Variants in VN1R1 observed in about 807,000 individuals in gnomAD.
VN1R1 encodes the protein vomeronasal 1 receptor 1, also known as vomeronasal type-1 receptor 1.
For missense variants in VN1R1, 391 were observed against 410.3 expected (o/e 0.95, Z 0.41); for synonymous variants, 168 against 149.8 (o/e 1.12, Z -0.89).
At position 57,455,977 on chromosome 19, in the gene VN1R1, G is replaced by A; in HGVS notation, c.510C>T (p.Phe170=). ...GGGGGGCCCAGCAGAGGAGACAACA[G>A]AAGTCAATAAACCTTGGGGATCTAA... ...IKIRSPRFID[F]CCLLCWAPHV... The change falls in exon 1 of 1, where the codon TTC becomes TTT. Residue 170 remains phenylalanine (F), a synonymous_variant. Transcript: ENST00000321039. The A allele has an allele frequency of 6.2e-7, 1 of 1,614,206 alleles. No individual in the cohort carries two copies. The highest frequency in any genetic ancestry group is 8.5e-7 in the Non-Finnish European group (1 of 1,180,042).
chr19:57,455,902 A>G lies in VN1R1; in HGVS notation c.585T>C (p.Asn195=), dbSNP rs1474436824. The G allele has an allele frequency of 1.2e-6, 2 of 1,614,104 alleles. No homozygotes were observed. The highest frequency in any genetic ancestry group is 1.3e-5 in the African/African-American group (1 of 74,930). ...TGTTTTTTGCACTACTGTTTTTGCT[A>G]TTCAGTGGGCCATTCACTAATAGAA... ...SVLLLVNGPL[N]SKNSSAKNNY... is the part of the protein sequence containing the mutation. The change falls in exon 1 of 1, where the codon AAT becomes AAC. Residue 195 remains asparagine (N), a synonymous_variant. Transcript: ENST00000321039.
rs947858688 is a variant in VN1R1, at chr19:57,456,352, T to G, written c.135A>C (p.Lys45Asn). 1.2e-6 allele frequency: 2 copies of G among 1,613,842 alleles called. No homozygotes were observed. The highest frequency in any genetic ancestry group is 2.7e-5 in the African/African-American group (2 of 74,920). ...PLDFDEMAFG[K>N]VKSGISFLIQ... is the part of the protein sequence containing the mutation. ...TGAGGAAGCTAATCCCTGATTTTAC[T>G]TTTCCAAAAGCCATTTCATCAAAAT... The change falls in exon 1 of 1, where the codon AAA becomes AAC. Residue 45 changes from lysine (K) to asparagine (N), a missense_variant. Lys to Asn is a moderately conservative substitution (Grantham distance 94). Transcript: ENST00000321039.
At position 57,456,594 on chromosome 19, in the gene VN1R1, C is replaced by A; in HGVS notation, c.-108G>T. 1.2e-5 allele frequency: 10 copies of A among 866,792 alleles called. No individual in the cohort carries two copies. The highest frequency in any genetic ancestry group is 3.2e-5 in the Admixed American group (1 of 31,662). The allele number at this position is 866,792 out of a possible 1,614,324, so 53.7% of individuals were successfully genotyped here. Reference sequence around the variant, plus strand: ...GTGAATGAATGAGGGCTCAACCGCACAACAGATCCACAAATCAAACCTATA... The same window carrying A: ...GTGAATGAATGAGGGCTCAACCGCAAAACAGATCCACAAATCAAACCTATA... On this transcript the variant is annotated 5_prime_UTR_variant, in exon 1 of 1. Coordinates refer to ENST00000321039, the MANE Select transcript of VN1R1 (RefSeq NM_020633.4).
chr19:57,455,057 G>T lies in VN1R1; in HGVS notation c.*368C>A. On this transcript the variant is annotated 3_prime_UTR_variant, in exon 1 of 1. Transcript: ENST00000321039. ...CGGCCTGCACATGTCTTTCTTACAT[G>T]TGGACTCTCCAGGGGATTTATGCTG... 1 of 191,314 alleles carries T rather than the reference G, an allele frequency of 5.2e-6. No individual in the cohort carries two copies. The highest frequency in any genetic ancestry group is 1.1e-5 in the Non-Finnish European group (1 of 92,258). The allele number at this position is 191,314 out of a possible 1,614,324, so 11.9% of individuals were successfully genotyped here. A position where few individuals can be genotyped will look rare whatever the true frequency, so the allele number is the denominator to read the frequency against.
chr19:57,455,464 T>C lies in VN1R1; in HGVS notation c.1023A>G (p.Thr341=). The change falls in exon 1 of 1, where the codon ACA becomes ACG. Residue 341 remains threonine (T), a synonymous_variant. Transcript: ENST00000321039. ...CCAGATTAGGAAAGAGTGTTTTCCT[T>C]GTCCTGCAGGCAAAACAGAACTGAG... ...HISQFCFACR[T]RKTLFPNLVV... 2 of 1,613,846 alleles carry C rather than the reference T, an allele frequency of 1.2e-6. No individual in the cohort carries two copies. Among genetic ancestry groups the C allele is most frequent in the Non-Finnish European group, 1.7e-6 (2 of 1,179,950 alleles).
Position 57,455,700 on chromosome 19 carries a change from A to C in VN1R1, c.787T>G (p.Cys263Gly), listed in dbSNP as rs769334043. The C allele has an allele frequency of 6.2e-7, 1 of 1,614,216 alleles. No individual in the cohort carries two copies. Among genetic ancestry groups the C allele is most frequent in the Admixed American group, 1.7e-5 (1 of 60,018 alleles). Residue 263 changes from cysteine to glycine, a missense_variant, in exon 1 of 1, where the codon TGC becomes GGC. Transcript: ENST00000321039. ...GCTCTGGCTTCCTGGGAAGGTCTGC[A>C]GGAGAGTCTGTTGCTGTGATTGTGT... ...VQHNHSNRLS[C>G]RPSQEARATH... is the part of the protein sequence containing the mutation.
rs112252871 is a variant in VN1R1, at chr19:57,456,090, T to C, written c.397A>G (p.Arg133Gly). The C allele has an allele frequency of 6.2e-7, 1 of 1,614,196 alleles. No homozygotes were observed. Among genetic ancestry groups the C allele is most frequent in the South Asian group, 1.1e-5 (1 of 91,074 alleles). ...FVFYYHRVGT[R>G]VSLSTICLLN... ...AGGCAGATGGTGCTGAGGGAAACTC[T>C]TGTGCCCACCCTGTGATAATAAAAG... Residue 133 changes from arginine (R) to glycine (G), a missense_variant, in exon 1 of 1, where the codon AGA (arginine) becomes GGA (glycine). Physicochemically the swap from Arg to Gly is moderately radical, Grantham distance 125. Coordinates refer to ENST00000321039, the MANE Select transcript of VN1R1 (RefSeq NM_020633.4).
chr19:57,456,581 G>C lies in VN1R1; in HGVS notation c.-95C>G, dbSNP rs1479768017. The C allele has an allele frequency of 3.0e-6, 3 of 1,014,066 alleles. No individual in the cohort carries two copies. Among genetic ancestry groups the C allele is most frequent in the African/African-American group, 3.2e-5 (2 of 61,596 alleles). The allele number at this position is 1,014,066 out of a possible 1,614,324, so 62.8% of individuals were successfully genotyped here. ...TGCAGAGAAGCAGGTGAATGAATGA[G>C]GGCTCAACCGCACAACAGATCCACA... On this transcript the variant is annotated 5_prime_UTR_variant, in exon 1 of 1. Transcript: ENST00000321039.
Position 57,456,917 on chromosome 19 carries a change from T to C in VN1R1, c.-431A>G, listed in dbSNP as rs192756343. The stretch of plus-strand genomic sequence containing the variant: ...ACACTAATATTTTAGTAAACACCAT[T>C]GTTATTGATGCATTGAAACAAATTT... On this transcript the variant is annotated 5_prime_UTR_variant, in exon 1 of 1. Coordinates refer to ENST00000321039, the MANE Select transcript of VN1R1 (RefSeq NM_020633.4). 4.9e-3 allele frequency: 746 copies of C among 153,496 alleles called. 9 individuals carry two copies. The highest frequency in any genetic ancestry group is 0.017 in the African/African-American group (727 of 41,588). 9.5% of individuals were successfully genotyped at this position (153,496 alleles called of 1,614,324 possible).
chr19:57,456,562 G>A lies in VN1R1; in HGVS notation c.-76C>T. On this transcript the variant is annotated 5_prime_UTR_variant, in exon 1 of 1. Coordinates refer to ENST00000321039, the MANE Select transcript of VN1R1 (RefSeq NM_020633.4). ...AATTGCTTGTGTGTCCAACTGCAGAGAAGCAGGTGAATGAATGAGGGCTCA... is the reference window on the plus strand; with the variant it reads ...AATTGCTTGTGTGTCCAACTGCAGAAAAGCAGGTGAATGAATGAGGGCTCA... 7.9e-7 allele frequency: 1 copy of A among 1,265,614 alleles called. No individual in the cohort carries two copies. The highest frequency in any genetic ancestry group is 1.1e-6 in the Non-Finnish European group (1 of 938,568). The allele number at this position is 1,265,614 out of a possible 1,614,324, so 78.4% of individuals were successfully genotyped here. A position where few individuals can be genotyped will look rare whatever the true frequency, so the allele number is the denominator to read the frequency against.
chr19:57,455,417 G>T lies in VN1R1; in HGVS notation c.*8C>A, dbSNP rs781497151. 1 of 1,597,290 alleles carries T rather than the reference G, an allele frequency of 6.3e-7. No individual in the cohort carries two copies. Among genetic ancestry groups the T allele is most frequent in the African/African-American group, 1.4e-5 (1 of 73,972 alleles). ...GATAAATAGCTGAATTCCATGAAGA[G>T]AAAAGACTCATGGCATGACAACCAG... On this transcript the variant is annotated 3_prime_UTR_variant, in exon 1 of 1. Coordinates refer to ENST00000321039, the MANE Select transcript of VN1R1 (RefSeq NM_020633.4).
In VN1R1 at chr19:57,456,299, T is replaced by C. The variant is rs1272972733; in HGVS notation, c.188A>G (p.Asn63Ser). 1 of 1,612,700 alleles carries C rather than the reference T, an allele frequency of 6.2e-7. No homozygotes were observed. Among genetic ancestry groups the C allele is most frequent in the Non-Finnish European group, 8.5e-7 (1 of 1,179,008 alleles). The change falls in exon 1 of 1, where the codon AAT becomes AGT. Residue 63 changes from asparagine (N) to serine (S), a missense_variant. Transcript: ENST00000321039. ...GTTATAAAAACAAAGGAGAAAGGAA[T>C]TTCCCAGGATCCCAACTCCAGTCTG... is the stretch of plus-strand genomic sequence containing the variant. ...LIQTGVGILG[N>S]SFLLCFYNLI...
chr19:57,456,307 G>C lies in VN1R1; in HGVS notation c.180C>G (p.Ile60Met). ...ISFLIQTGVGILGNSFLLCFY... is the reference protein window; with the variant it reads ...ISFLIQTGVGMLGNSFLLCFY... ...AACAAAGGAGAAAGGAATTTCCCAG[G>C]ATCCCAACTCCAGTCTGAATGAGGA... Residue 60 changes from isoleucine to methionine, a missense_variant, in exon 1 of 1, where the codon ATC becomes ATG. Ile to Met is a conservative substitution (Grantham distance 10). Transcript: ENST00000321039. The C allele has an allele frequency of 6.2e-7, 1 of 1,613,154 alleles. No homozygotes were observed. Among genetic ancestry groups the C allele is most frequent in the Non-Finnish European group, 8.5e-7 (1 of 1,179,300 alleles).
the VN1R1 span, chr19:57,455,727 G>A: frequency 1.9e-6 from 3 of 1,614,134 alleles, no homozygotes; most frequent in East Asian, 2.2e-5. Flanking sequence ...TGATTGTGTT[G>A]GACTTGCTGC....
the VN1R1 span, chr19:57,456,350 AC>A: frequency 6.2e-7 from 1 of 1,613,984 alleles, no homozygotes; most frequent in South Asian, 1.1e-5. Context: ...CCCTGATTTT[AC>A]TTTTCCAAAA....
the VN1R1 span, chr19:57,456,270 T>TTAAG: frequency 6.2e-7 from 1 of 1,613,402 alleles, no homozygotes; most frequent in Non-Finnish European, 8.5e-7. Flanking sequence ...GTGAACAAAA[T>TTAAG]TAAGTTATAA....
chr19:57,455,765 GAGCCACTGGCCCAGACCATGA>G lies in VN1R1; in HGVS notation c.701_721del (p.Phe234_Gly240del). On this transcript the variant is annotated inframe_deletion, in exon 1 of 1. Coordinates refer to ENST00000321039, the MANE Select transcript of VN1R1 (RefSeq NM_020633.4). The stretch of plus-strand genomic sequence containing the variant: ...GTGTCTGTAGAGGAAGAAGACCATG[GAGCCACTGGCCCAGACCATGA>G]AGCCCAAACTCATAAAATCAGGGGA... 1.9e-6 allele frequency: 3 copies of G among 1,613,892 alleles called. No individual in the cohort carries two copies. The highest frequency in any genetic ancestry group is 2.5e-6 in the Non-Finnish European group (3 of 1,179,938).
chr19:57,455,379 T>C lies in VN1R1; in HGVS notation c.*46A>G, dbSNP rs753188707. On this transcript the variant is annotated 3_prime_UTR_variant, in exon 1 of 1. Coordinates refer to ENST00000321039, the MANE Select transcript of VN1R1 (RefSeq NM_020633.4). ...CTAGTAGTTAATATTTCCTAAATCTTAGCAAGAGTTATGATAAATAGCTGA... is the reference window on the plus strand; with the variant it reads ...CTAGTAGTTAATATTTCCTAAATCTCAGCAAGAGTTATGATAAATAGCTGA... 1 of 1,529,648 alleles carries C rather than the reference T, an allele frequency of 6.5e-7. No individual in the cohort carries two copies. Among genetic ancestry groups the C allele is most frequent in the East Asian group, 2.3e-5 (1 of 44,376 alleles). The allele number at this position is 1,529,648 out of a possible 1,614,324, so 94.8% of individuals were successfully genotyped here.
At position 57,455,222 on chromosome 19, in the gene VN1R1, C is replaced by A; in HGVS notation, c.*203G>T. ...AAACTTTTTGATTTCCTGAACTTGT[C>A]TGAAGGACTTAACACAGTTATATAG... On this transcript the variant is annotated 3_prime_UTR_variant, in exon 1 of 1. Coordinates refer to ENST00000321039, the MANE Select transcript of VN1R1 (RefSeq NM_020633.4). 2.0e-6 allele frequency: 1 copy of A among 492,480 alleles called. No homozygotes were observed. The highest frequency in any genetic ancestry group is 3.8e-5 in the South Asian group (1 of 26,426). 30.5% of individuals were successfully genotyped at this position (492,480 alleles called of 1,614,324 possible).
Sources: allele counts gnomAD v4.1 joint callset, GRCh38; gene constraint gnomAD v4.1.1; transcripts MANE v1.5; gene names NCBI Gene and HGNC (gene_info 2026-07-23, HGNC 2026-07-21).